Variants in GNG2 observed in about 807,000 individuals in gnomAD.
GNG2 encodes the protein guanine nucleotide-binding protein G(I)/G(S)/G(O) subunit gamma-2.
Under a neutral mutation model 5.5 loss-of-function variants are expected in GNG2, and 5 were observed. The observed-to-expected ratio is 0.91, with a 90% CI of 0.48 to 1.92. The LOEUF (loss-of-function observed/expected upper bound fraction) is 1.92, where lower values mean the gene tolerates loss of function less well. Among genes scored for constraint, GNG2 ranks in the 30% most tolerant of loss-of-function variants. The pLI, the probability that GNG2 is intolerant of heterozygous loss-of-function variation, is 0.01. For synonymous variants in GNG2, 28 were observed against 32.0 expected (o/e 0.88, Z 0.42); for missense variants, 55 against 88.4 (o/e 0.62, Z 1.52).
chr14:51,960,070 T>A (rs1253641), intron 3 of GNG2, among the ~76,000 whole-genome samples: 1 of 151,528 alleles, frequency 6.6e-6, no homozygotes, highest in African/African-American at 2.4e-5. Flanking sequence ...TCAAATATTT[T>A]TTCTTTATCT....
At chr14:51,901,415 A>G (rs1470041102) in intron 2 of GNG2, among the ~76,000 whole-genome samples, 1 of 151,788 alleles carries the variant, frequency 6.6e-6, no homozygotes, top group African/African-American at 2.4e-5. Context: ...CTGATCTCAA[A>G]ACTCCTGGGC....
intron 2 of GNG2, among the ~76,000 whole-genome samples, chr14:51,841,273 C>G (rs1881474021): frequency 6.6e-6 from 1 of 152,096 alleles, no homozygotes; most frequent in Non-Finnish European, 1.5e-5. Context: ...TGCAACAGGC[C>G]CCTCTCCAGA....
intron 2 of GNG2, among the ~76,000 whole-genome samples, chr14:51,899,382 A>G (rs970955561): frequency 9.2e-5 from 14 of 152,190 alleles, no homozygotes; most frequent in African/African-American, 3.4e-4. Flanking sequence ...CCGACATTAA[A>G]CAGAATTAGG....
At chr14:51,943,980 C>G (rs1336941381) in intron 2 of GNG2, among the ~76,000 whole-genome samples, 1 of 152,092 alleles carries the variant, frequency 6.6e-6, no homozygotes, top group Non-Finnish European at 1.5e-5. Flanking sequence ...CCCAAATAGC[C>G]AAAGCATTCT....
chr14:51,956,364 G>T (rs1253716473), intron 3 of GNG2, among the ~76,000 whole-genome samples: 1 of 152,078 alleles, frequency 6.6e-6, no homozygotes, highest in African/African-American at 2.4e-5. Context: ...AATGGGGCAG[G>T]GGCAGCCTTG....
intron 2 of GNG2, among the ~76,000 whole-genome samples, chr14:51,882,479 G>A (rs1884149065): frequency 6.6e-6 from 1 of 152,156 alleles, no homozygotes; most frequent in Non-Finnish European, 1.5e-5. Flanking sequence ...GTGTCTGCAA[G>A]GTAGAATTAA....
At chr14:51,934,217 C>A (rs950964708) in intron 2 of GNG2, among the ~76,000 whole-genome samples, 2 of 152,014 alleles carry the variant, frequency 1.3e-5, no homozygotes, top group Non-Finnish European at 2.9e-5. Flanking sequence ...CAGTAAGCTC[C>A]GTAGATGGAA....
chr14:51,827,358 T>C (rs1445202492), intron 1 of GNG2, among the ~76,000 whole-genome samples: 1 of 152,238 alleles, frequency 6.6e-6, no homozygotes, highest in Non-Finnish European at 1.5e-5. Flanking sequence ...TGCAAACTCT[T>C]GAGCTCTACT....
chr14:51,935,055 C>T (rs1339594461), intron 2 of GNG2, among the ~76,000 whole-genome samples: 4 of 137,006 alleles, frequency 2.9e-5, no homozygotes, highest in South Asian at 4.6e-4. Flanking sequence ...GACGGAGTCT[C>T]GCTCTGTTGC....
chr14:51,892,650 T>C (rs1884936364), intron 2 of GNG2, among the ~76,000 whole-genome samples: 1 of 152,198 alleles, frequency 6.6e-6, no homozygotes, highest in Non-Finnish European at 1.5e-5. Flanking sequence ...TGTAACACGC[T>C]CTTGTTTTTA....
At chr14:51,936,332 C>G (rs898996516) in intron 2 of GNG2, among the ~76,000 whole-genome samples, 1 of 152,130 alleles carries the variant, frequency 6.6e-6, no homozygotes, top group African/African-American at 2.4e-5. Flanking sequence ...CCTTTCCTTT[C>G]TTGGAAGTGC....
At position 51,884,635 on chromosome 14, in the gene GNG2, C is replaced by T. The variant is rs186081387; in HGVS notation, c.-30+6978C>T. On this transcript the variant is annotated intron_variant, in intron 2 of 3. Coordinates refer to ENST00000556766, the MANE Select transcript of GNG2 (RefSeq NM_053064.5). ...AGTAAAGGCTATGAAGTGAAGGAGACGGGTGCAGACCGAAGATCTGGGCAG... is the reference window on the plus strand; with the variant it reads ...AGTAAAGGCTATGAAGTGAAGGAGATGGGTGCAGACCGAAGATCTGGGCAG... Among the ~76,000 whole-genome samples, 30 of 152,270 alleles carry T rather than the reference C, an allele frequency of 2.0e-4. 1 individual carries two copies. The East Asian group carries it at 3.3e-3, about 17-fold the overall frequency.
intron 1 of GNG2, 163 bp from the exon 2 acceptor site, chr14:51,877,454 G>T (rs539271636): frequency 2.5e-5 from 6 of 235,370 alleles, no homozygotes; most frequent in South Asian, 4.5e-5. Context: ...TTCATTTCTA[G>T]GCTCTGAAAT....
chr14:51,919,456 T>C (rs1205394473), intron 2 of GNG2, among the ~76,000 whole-genome samples: 2 of 152,248 alleles, frequency 1.3e-5, no homozygotes, highest in African/African-American at 2.4e-5. Context: ...ATCTAGCCTT[T>C]CAAGCAGGTC....
chr14:51,851,263 A>G (rs1881895186), intron 2 of GNG2, among the ~76,000 whole-genome samples: 1 of 152,240 alleles, frequency 6.6e-6, no homozygotes, highest in African/African-American at 2.4e-5. Context: ...GTCAAAAGAT[A>G]TAACTTGGCT....
At position 51,892,641 on chromosome 14, in the gene GNG2, G is replaced by C. The variant is rs1389196734; in HGVS notation, c.-30+14984G>C. On this transcript the variant is annotated intron_variant, in intron 2 of 3. Coordinates refer to ENST00000556766, the MANE Select transcript of GNG2 (RefSeq NM_053064.5). ...TATCAGGTATTTTTAATTTACAAAT[G>C]TAACACGCTCTTGTTTTTACAAGTA... is the stretch of plus-strand genomic sequence containing the variant. 3.3e-5 allele frequency among the ~76,000 whole-genome samples: 5 copies of C among 152,236 alleles called. No homozygotes were observed. In the East Asian group the frequency reaches 9.6e-4, roughly 29 times the overall value.
At chr14:51,897,022 C>A (rs1885236418) in intron 2 of GNG2, among the ~76,000 whole-genome samples, 3 of 152,090 alleles carry the variant, frequency 2.0e-5, no homozygotes, top group Admixed American at 2.0e-4. Context: ...ACAAAAGGAA[C>A]AAGTGAATAA....
intron 3 of GNG2, among the ~76,000 whole-genome samples, chr14:51,953,562 A>C (rs149597172): frequency 6.6e-6 from 1 of 152,328 alleles, no homozygotes; most frequent in African/African-American, 2.4e-5. Flanking sequence ...TTCACATTCA[A>C]ATCTCTGAAT....
At chr14:51,847,124 C>T (rs1881651848) in intron 2 of GNG2, 1 of 152,238 alleles carries the variant, frequency 6.6e-6, no homozygotes, top group African/African-American at 2.4e-5. Context: ...TCAACAACAA[C>T]AACAAACGCC....
Sources: gnomAD v4.1 joint callset for allele counts (sites outside exome capture counted in the v4.1 genomes callset) on GRCh38, gnomAD v4.1.1 for gene constraint, MANE v1.5 for transcripts, NCBI Gene and HGNC (gene_info 2026-07-23, HGNC 2026-07-21) for gene names.